KIT: variants seen among roughly 807,000 people sequenced by gnomAD.
The protein encoded by KIT is mast/stem cell growth factor receptor Kit.
Under a neutral mutation model 105.7 loss-of-function variants are expected in KIT, and 16 were observed. The observed-to-expected ratio is 0.15, with a 90% CI of 0.10 to 0.23. The LOEUF is 0.23. Ranked by LOEUF, KIT falls within the 10% of genes least tolerant of loss-of-function variation. The pLI is 1.00. For missense variants in KIT, 858 were observed against 1,213.8 expected (o/e 0.71, Z 4.36); for synonymous variants, 438 against 441.1 (o/e 0.99, Z 0.09).
intron 1 of KIT, among the ~76,000 whole-genome samples, chr4:54,686,368 T>A (rs1211354770): frequency 8.5e-5 from 13 of 152,216 alleles, no homozygotes. Context: ...CATAATACAG[T>A]ACTGAGACCT....
intron 13 of KIT, 21 bp from the exon 14 acceptor site, chr4:54,729,314 C>T (rs1312925685): frequency 1.9e-5 from 31 of 1,612,444 alleles, no homozygotes; most frequent in Non-Finnish European, 2.1e-5. Flanking sequence ...TTCTTTCTAA[C>T]CTTTTCTTAT....
chr4:54,698,174 A>G lies in KIT; in HGVS notation c.338-110A>G, dbSNP rs1720203276. 5.4e-6 allele frequency: 6 copies of G among 1,110,038 alleles called. No homozygotes were observed. The South Asian group carries it at 6.7e-5, about 12-fold the overall frequency. The allele number at this position is 1,110,038 out of a possible 1,614,324, so 68.8% of individuals were successfully genotyped here. On this transcript the variant is annotated intron_variant, in intron 2 of 20. Coordinates refer to ENST00000288135, the MANE Select transcript of KIT (RefSeq NM_000222.3). ...TGCTTTTGTTTACACAGAAAAAAGCAGCCATTTGGGCCACTAGTCATGAAA... is the reference window on the plus strand; with the variant it reads ...TGCTTTTGTTTACACAGAAAAAAGCGGCCATTTGGGCCACTAGTCATGAAA...
intron 1 of KIT, among the ~76,000 whole-genome samples, chr4:54,665,359 C>T (rs1418071775): frequency 6.6e-6 from 1 of 152,138 alleles, no homozygotes; most frequent in Non-Finnish European, 1.5e-5. Flanking sequence ...GGAGATTTTT[C>T]GTGGAGACTA....
rs769299263 is a variant in KIT, at chr4:54,707,300, C to T, written c.1115+13C>T. 20 of 1,581,486 alleles carry T rather than the reference C, an allele frequency of 1.3e-5. No homozygotes were observed. The highest frequency in any genetic ancestry group is 1.7e-5 in the Non-Finnish European group (19 of 1,150,670). ...AAAGTAATATCAGGTAAGAAATGGA[C>T]CTTGCCCTGGGGGATTACACATTAC... On this transcript the variant is annotated intron_variant, in intron 6 of 20. Transcript: ENST00000288135.
intron 1 of KIT, among the ~76,000 whole-genome samples, chr4:54,676,703 G>A (rs10488845): frequency 0.096 from 14,607 of 152,118 alleles, 980 homozygotes; most frequent in African/African-American, 0.19. Flanking sequence ...GTCTGTCTCC[G>A]TAGATCCCTT....
chr4:54,716,159 T>C (rs1721482147), intron 7 of KIT, among the ~76,000 whole-genome samples: 1 of 152,224 alleles, frequency 6.6e-6, no homozygotes, highest in Admixed American at 6.5e-5. Context: ...GTTTTCCCCA[T>C]TAGGTGGATA....
chr4:54,719,522 G>A (rs57427671), intron 7 of KIT, among the ~76,000 whole-genome samples: 14,940 of 151,962 alleles, frequency 0.098, 858 homozygotes, highest in South Asian at 0.18. Context: ...TGTTGTTGGC[G>A]ATATCAGAAT....
At chr4:54,698,105 G>A (rs1462728274) in intron 2 of KIT, among the ~76,000 whole-genome samples, 179 bp from the exon 3 acceptor site, 5 of 152,254 alleles carry the variant, frequency 3.3e-5, no homozygotes, top group East Asian at 1.9e-4. Context: ...CATGGAAAGC[G>A]TTTAATAAAT....
At chr4:54,696,785 T>C (rs1361758222) in intron 2 of KIT, among the ~76,000 whole-genome samples, 1 of 152,262 alleles carries the variant, frequency 6.6e-6, no homozygotes, top group Non-Finnish European at 1.5e-5. Context: ...GCTTTATCAG[T>C]TGTCCTTTCC....
chr4:54,663,422 G>A (rs1387069857), intron 1 of KIT, among the ~76,000 whole-genome samples: 1 of 152,164 alleles, frequency 6.6e-6, no homozygotes, highest in African/African-American at 2.4e-5. Flanking sequence ...CATAGAGGAA[G>A]TGTGTGGACT....
At position 54,738,621 on chromosome 4, in the gene KIT, A is replaced by G. The variant is rs1723069173; in HGVS notation, c.*64A>G. Reference sequence around the variant, plus strand: ...TCTTCTTTTGGCTTCCATGATGGTTATTTTCTTTTCTTTCAACTTGCATCC... The same window carrying G: ...TCTTCTTTTGGCTTCCATGATGGTTGTTTTCTTTTCTTTCAACTTGCATCC... On this transcript the variant is annotated 3_prime_UTR_variant, in exon 21 of 21. Coordinates refer to ENST00000288135, the MANE Select transcript of KIT (RefSeq NM_000222.3). 3.1e-6 allele frequency: 5 copies of G among 1,597,148 alleles called. No homozygotes were observed. In the South Asian group the frequency reaches 5.5e-5, roughly 18 times the overall value.
chr4:54,667,330 C>A (rs766376657), intron 1 of KIT, among the ~76,000 whole-genome samples: 3 of 152,122 alleles, frequency 2.0e-5, no homozygotes, highest in Non-Finnish European at 2.9e-5. Flanking sequence ...TTTATTAATA[C>A]CTGTCACTTT....
chr4:54,710,959 A>G (rs1721121679), intron 7 of KIT, among the ~76,000 whole-genome samples: 1 of 152,212 alleles, frequency 6.6e-6, no homozygotes, highest in Non-Finnish European at 1.5e-5. Context: ...AGCTCACTAT[A>G]TCCTTGTACT....
intron 1 of KIT, among the ~76,000 whole-genome samples, chr4:54,674,417 G>A (rs899207045): frequency 6.6e-6 from 1 of 152,204 alleles, no homozygotes; most frequent in Non-Finnish European, 1.5e-5. Context: ...CCTGATAGTG[G>A]TTCCTGTAGC....
chr4:54,738,178 A>G (rs1464257737), intron 20 of KIT, among the ~76,000 whole-genome samples: 1 of 152,098 alleles, frequency 6.6e-6, no homozygotes, highest in African/African-American at 2.4e-5. Context: ...CCCTTTTAGA[A>G]GAGCTAAGCT....
chr4:54,699,032 A>G (rs1483057407), intron 3 of KIT, among the ~76,000 whole-genome samples: 1 of 152,224 alleles, frequency 6.6e-6, no homozygotes, highest in Non-Finnish European at 1.5e-5. Flanking sequence ...TTGACTGTGG[A>G]ACTTGTTATG....
intron 1 of KIT, among the ~76,000 whole-genome samples, chr4:54,677,023 A>T (rs1252792611): frequency 6.6e-6 from 1 of 152,060 alleles, no homozygotes; most frequent in Non-Finnish European, 1.5e-5. Context: ...TAATTGTATA[A>T]TTATTGGTTT....
At chr4:54,699,946 A>T (rs1213504445) in intron 4 of KIT, among the ~76,000 whole-genome samples, 180 bp downstream of exon 4, 1 of 152,124 alleles carries the variant, frequency 6.6e-6, no homozygotes, top group African/African-American at 2.4e-5. Flanking sequence ...AGATATATAC[A>T]TTTATTATTA....
At chr4:54,691,728 G>A (rs1719724029) in intron 1 of KIT, among the ~76,000 whole-genome samples, 1 of 152,078 alleles carries the variant, frequency 6.6e-6, no homozygotes, top group Non-Finnish European at 1.5e-5. Flanking sequence ...AGAGTTTTGA[G>A]GGAGGATGAG....
Sources: gnomAD v4.1 joint callset for allele counts (sites outside exome capture counted in the v4.1 genomes callset) on GRCh38, gnomAD v4.1.1 for gene constraint, MANE v1.5 for transcripts, NCBI Gene and HGNC (gene_info 2026-07-23, HGNC 2026-07-21) for gene names.